COBL: variants seen among roughly 807,000 people sequenced by gnomAD.
The protein encoded by COBL is protein cordon-bleu.
Under a neutral mutation model 98.8 loss-of-function variants are expected in COBL, and 51 were observed. The observed-to-expected ratio is 0.52, with a 90% CI of 0.41 to 0.65. The LOEUF is 0.65. COBL is among the 30% of genes least tolerant of loss of function. The pLI, the probability that COBL is intolerant of heterozygous loss-of-function variation, is 0.00. For missense variants in COBL, 1,617 were observed against 1,617.5 expected (o/e 1.00, Z 0.01); for synonymous variants, 634 against 651.7 (o/e 0.97, Z 0.41).
At chr7:51,308,563 T>A (rs1802704260) in intron 1 of COBL, among the ~76,000 whole-genome samples, 1 of 152,246 alleles carries the variant, frequency 6.6e-6, no homozygotes. Flanking sequence ...CTTCCAGCTC[T>A]ATGAGTCCTT....
chr7:51,197,072 G>A (rs1220359497), intron 2 of COBL, among the ~76,000 whole-genome samples: 2 of 151,970 alleles, frequency 1.3e-5, no homozygotes, highest in Non-Finnish European at 2.9e-5. Context: ...GCTAGCTTTA[G>A]GGTTGGTTTT....
intron 7 of COBL, among the ~76,000 whole-genome samples, chr7:51,059,445 T>C (rs1791099656): frequency 6.6e-6 from 1 of 152,228 alleles, no homozygotes; most frequent in African/African-American, 2.4e-5. Flanking sequence ...TTAGTGGTCA[T>C]GATCTTTAGA....
chr7:51,183,158 G>A (rs538034441), intron 5 of COBL, among the ~76,000 whole-genome samples: 16 of 152,304 alleles, frequency 1.1e-4, no homozygotes, highest in East Asian at 3.9e-4. Flanking sequence ...TCAGGTGTCC[G>A]GCCTTGGGCT....
intron 6 of COBL, among the ~76,000 whole-genome samples, chr7:51,104,819 T>C (rs10228252): frequency 2.7e-3 from 412 of 152,260 alleles, no homozygotes; most frequent in African/African-American, 9.5e-3. Context: ...GCTAAATGCA[T>C]TGACATGTAA....
At chr7:51,134,945 T>C (rs1799089302) in intron 6 of COBL, among the ~76,000 whole-genome samples, 1 of 152,184 alleles carries the variant, frequency 6.6e-6, no homozygotes, top group African/African-American at 2.4e-5. Context: ...TTAGGATATA[T>C]GTATACATTC....
At chr7:51,216,376 G>A (rs1322596496) in intron 2 of COBL, among the ~76,000 whole-genome samples, 1 of 152,106 alleles carries the variant, frequency 6.6e-6, no homozygotes, top group African/African-American at 2.4e-5. Context: ...GAGACAGGTT[G>A]GCCAGGCTGG....
intron 2 of COBL, among the ~76,000 whole-genome samples, chr7:51,207,460 C>T (rs112056237): frequency 7.9e-5 from 12 of 152,292 alleles, no homozygotes; most frequent in East Asian, 3.9e-4. Context: ...TCTCTTTCCA[C>T]GGTCTCCCTC....
intron 5 of COBL, among the ~76,000 whole-genome samples, chr7:51,142,373 CTGG>C (rs1246625656): frequency 1.4e-5 from 2 of 146,414 alleles, no homozygotes; most frequent in East Asian, 4.0e-4. Context: ...GAGTATCCAA[CTGG>C]TATTTGATTT....
chr7:51,212,090 C>CAA (rs1456382714), intron 2 of COBL, among the ~76,000 whole-genome samples: 1 of 152,114 alleles, frequency 6.6e-6, no homozygotes, highest in African/African-American at 2.4e-5. Context: ...TCTGTTACCC[C>CAA]AAATGCCTTT....
At chr7:51,071,729 TC>T (rs1404632622) in intron 7 of COBL, 4 of 152,340 alleles carry the variant, frequency 2.6e-5, no homozygotes, top group Non-Finnish European at 5.9e-5. Context: ...AATAGCTACT[TC>T]TTACACAAAT....
Position 51,043,513 on chromosome 7 carries a change from T to C in COBL, c.1276A>G (p.Met426Val). ...GTGGCCCACTTGTCTTTGTATTTCA[T>C]GCTGTCCTGCTGCGAGTCCAGAGAG... ...IVSLDSQQDS[M>V]KYKDKWATDQ... is the part of the protein sequence containing the mutation. Residue 426 changes from methionine to valine, a missense_variant, in exon 8 of 13, where the codon ATG (methionine) becomes GTG (valine). This residue lies in a region of COBL where 1,304 missense variants were observed against 1,282.0 expected (regional missense o/e 1.02). Coordinates refer to ENST00000265136, the MANE Select transcript of COBL (RefSeq NM_015198.5). 9 of 1,614,228 alleles carry C rather than the reference T, an allele frequency of 5.6e-6. No homozygotes were observed. The highest frequency in any genetic ancestry group is 7.6e-6 in the Non-Finnish European group (9 of 1,180,034).
chr7:51,191,694 A>G (rs1441008901), intron 3 of COBL, among the ~76,000 whole-genome samples: 2 of 152,186 alleles, frequency 1.3e-5, no homozygotes, highest in Non-Finnish European at 2.9e-5. Context: ...AAAAAACACC[A>G]GGCATATATA....
intron 1 of COBL, among the ~76,000 whole-genome samples, chr7:51,284,713 G>T (rs1800159438): frequency 6.6e-6 from 1 of 151,336 alleles, no homozygotes; most frequent in Admixed American, 6.6e-5. Flanking sequence ...TGTACTCCCA[G>T]CTACTCAGGA....
At chr7:51,199,638 G>A (rs1218993526) in intron 2 of COBL, among the ~76,000 whole-genome samples, 1 of 152,048 alleles carries the variant, frequency 6.6e-6, no homozygotes, top group Non-Finnish European at 1.5e-5. Flanking sequence ...GCATCAAGAA[G>A]AAACCAAACA....
intron 1 of COBL, among the ~76,000 whole-genome samples, chr7:51,312,011 C>A (rs1307560910): frequency 6.6e-6 from 1 of 151,758 alleles, no homozygotes; most frequent in Admixed American, 6.6e-5. Flanking sequence ...AAGGAATGTA[C>A]GAAAACACCA....
intron 7 of COBL, among the ~76,000 whole-genome samples, chr7:51,045,598 A>G (rs1204621848): frequency 6.6e-6 from 1 of 152,078 alleles, no homozygotes; most frequent in East Asian, 1.9e-4. Flanking sequence ...GCGCAAAGTG[A>G]CCTTAACAAA....
chr7:51,030,094 C>T (rs1413540918), intron 9 of COBL, among the ~76,000 whole-genome samples: 4 of 152,142 alleles, frequency 2.6e-5, no homozygotes, highest in African/African-American at 7.2e-5. Flanking sequence ...TCAGAACCTG[C>T]GGGACACACT....
chr7:51,025,612 G>T (rs1787473954), intron 11 of COBL, among the ~76,000 whole-genome samples: 1 of 152,284 alleles, frequency 6.6e-6, no homozygotes, highest in East Asian at 1.9e-4. Context: ...ACCAGAATGT[G>T]GGCCCTCACA....
At chr7:51,108,917 GACACACACACACACACAC>G (rs1159629618) in intron 6 of COBL, among the ~76,000 whole-genome samples, 243 of 57,918 alleles carry the variant, frequency 4.2e-3, no homozygotes, top group African/African-American at 0.015. Flanking sequence ...CTGACACATA[GACACACACACACACACAC>G]ACACACACAC....
Sources: gnomAD v4.1 joint callset for allele counts (sites outside exome capture counted in the v4.1 genomes callset) on GRCh38, gnomAD v4.1.1 for gene constraint, gnomAD v4.1.1 regional missense constraint, MANE v1.5 for transcripts, NCBI Gene and HGNC (gene_info 2026-07-23, HGNC 2026-07-21) for gene names.